The following DOK6 variants were observed in gnomAD, a reference collection of about 807,000 sequenced individuals.
The protein encoded by DOK6 is docking protein 6, also known as downstream of tyrosine kinase 6.
A neutral mutation model predicts 44.0 loss-of-function variants in DOK6; 22 were observed. The observed-to-expected ratio is 0.50, with a 90% CI of 0.36 to 0.71. The LOEUF (loss-of-function observed/expected upper bound fraction) is 0.71, where lower values mean the gene tolerates loss of function less well. DOK6 is among the 30% of genes least tolerant of loss of function. DOK6 has a pLI of 0.00. For missense variants in DOK6, 340 were observed against 416.4 expected (o/e 0.82, Z 1.60); for synonymous variants, 166 against 145.5 (o/e 1.14, Z -1.01).
chr18:69,569,252 C>T (rs1186318360), intron 2 of DOK6, among the ~76,000 whole-genome samples: 1 of 152,186 alleles, frequency 6.6e-6, no homozygotes, highest in African/African-American at 2.4e-5. Context: ...TAAATATGTA[C>T]ATAAACTCAG....
intron 1 of DOK6, among the ~76,000 whole-genome samples, chr18:69,412,097 C>T (rs548334265): frequency 6.6e-6 from 1 of 151,990 alleles, no homozygotes; most frequent in Non-Finnish European, 1.5e-5. Flanking sequence ...TCGATGCCTT[C>T]GAATATATAT....
rs527588914 is a variant in DOK6, at chr18:69,401,907, C to G, written c.66+597C>G. ...GTGCAGGCAGGTGTGTGCCCCGCGC[C>G]CGCCCGCGGTCACTGCTCCGTGACG... On this transcript the variant is annotated intron_variant, in intron 1 of 7. Transcript: ENST00000382713. Among the ~76,000 whole-genome samples, 6 of 152,308 alleles carry G rather than the reference C, an allele frequency of 3.9e-5. No individual in the cohort carries two copies. In the South Asian group the frequency reaches 1.2e-3, roughly 32 times the overall value.
intron 7 of DOK6, among the ~76,000 whole-genome samples, chr18:69,831,593 T>A (rs534834591): frequency 1.2e-4 from 19 of 152,266 alleles, no homozygotes; most frequent in South Asian, 1.2e-3. Flanking sequence ...TACATCACTG[T>A]CTTTATGGAT....
intron 3 of DOK6, among the ~76,000 whole-genome samples, chr18:69,668,148 G>C (rs1047118563): frequency 6.6e-6 from 1 of 151,812 alleles, no homozygotes; most frequent in African/African-American, 2.4e-5. Context: ...AGGCTTTCCT[G>C]AATATATCCT....
At chr18:69,699,167 G>C (rs530369306) in intron 5 of DOK6, among the ~76,000 whole-genome samples, 1 of 151,960 alleles carries the variant, frequency 6.6e-6, no homozygotes, top group Non-Finnish European at 1.5e-5. Context: ...CCAAATCATT[G>C]TCTTTATGCT....
chr18:69,455,181 A>G (rs1229548185), intron 1 of DOK6, among the ~76,000 whole-genome samples: 1 of 125,428 alleles, frequency 8.0e-6, no homozygotes, highest in East Asian at 2.8e-4. Flanking sequence ...AAAAGAAAAG[A>G]AAAAGAAAAA....
intron 3 of DOK6, among the ~76,000 whole-genome samples, chr18:69,604,902 C>A (rs957789376): frequency 6.6e-6 from 1 of 152,010 alleles, no homozygotes; most frequent in African/African-American, 2.4e-5. Flanking sequence ...GGTACAGGTG[C>A]AGTTTTGTTA....
At position 69,613,626 on chromosome 18, in the gene DOK6, TA is replaced by T. The variant is rs1045230231; in HGVS notation, c.289+14136del. ...AATAGATGAAGAAAAATTTCTCTTA[TA>T]AAAAAAATAGATTATTCTTACCTTC... On this transcript the variant is annotated intron_variant, in intron 3 of 7. Transcript: ENST00000382713. Among the ~76,000 whole-genome samples, 304 of 151,864 alleles carry T rather than the reference TA, an allele frequency of 2.0e-3. 1 individual carries two copies. Among genetic ancestry groups the T allele is most frequent in the African/African-American group, 5.1e-3 (210 of 41,436 alleles).
chr18:69,484,771 A>G (rs1280413737), intron 1 of DOK6, among the ~76,000 whole-genome samples: 3 of 152,170 alleles, frequency 2.0e-5, no homozygotes, highest in Non-Finnish European at 4.4e-5. Flanking sequence ...AAGGTGCACC[A>G]CAGCCTTCTC....
At chr18:69,413,326 G>T (rs1651380975) in intron 1 of DOK6, among the ~76,000 whole-genome samples, 1 of 152,102 alleles carries the variant, frequency 6.6e-6, no homozygotes, top group South Asian at 2.1e-4. Context: ...TTTCTCTTTT[G>T]TTTACTCCTA....
chr18:69,477,343 C>T (rs1025406486), intron 1 of DOK6, among the ~76,000 whole-genome samples: 3 of 152,164 alleles, frequency 2.0e-5, no homozygotes, highest in African/African-American at 7.2e-5. Context: ...TAGGGTGTAC[C>T]TGGGAGCAAG....
At position 69,635,273 on chromosome 18, in the gene DOK6, T is replaced by C. The variant is rs1482472511; in HGVS notation, c.289+35775T>C. Among the ~76,000 whole-genome samples, 3 of 128,002 alleles carry C rather than the reference T, an allele frequency of 2.3e-5. No individual in the cohort carries two copies. In the East Asian group the frequency reaches 6.4e-4, roughly 27 times the overall value. The allele number at this position is 128,002 out of a possible 152,430, so 84.0% of individuals were successfully genotyped here. A position where few individuals can be genotyped will look rare whatever the true frequency, so the allele number is the denominator to read the frequency against. ...AGGTGGAAACCAGAGATTCGATATT[T>C]TTCTCTTTTTTTCTCCTCATATGGA... On this transcript the variant is annotated intron_variant, in intron 3 of 7. Coordinates refer to ENST00000382713, the MANE Select transcript of DOK6 (RefSeq NM_152721.6).
intron 1 of DOK6, among the ~76,000 whole-genome samples, chr18:69,560,101 T>C (rs865949658): frequency 1.3e-5 from 2 of 152,112 alleles, no homozygotes; most frequent in African/African-American, 2.4e-5. Context: ...ACTTTTCAAA[T>C]TCACATGCCA....
chr18:69,471,250 CAAAAAAAAAAAAAAAAA>C (rs71176969), intron 1 of DOK6, among the ~76,000 whole-genome samples: 4 of 27,784 alleles, frequency 1.4e-4, no homozygotes, highest in Admixed American at 1.4e-3. Context: ...AACTCCATCT[CAAAAAAAAAAAAAAAAA>C]AAAAAAAAAA....
intron 1 of DOK6, among the ~76,000 whole-genome samples, chr18:69,504,534 G>C (rs989278124): frequency 6.6e-6 from 1 of 152,078 alleles, no homozygotes; most frequent in Middle Eastern, 3.2e-3. Flanking sequence ...GGAATTATAT[G>C]TACTAGTAAC....
At chr18:69,472,343 G>A (rs1484152658) in intron 1 of DOK6, among the ~76,000 whole-genome samples, 3 of 152,090 alleles carry the variant, frequency 2.0e-5, no homozygotes, top group East Asian at 1.9e-4. Flanking sequence ...CCACTCTCCC[G>A]AGTGTCTTTA....
At chr18:69,647,060 T>TGTCTATCTGTCTATCCC (rs1985096034) in intron 3 of DOK6, among the ~76,000 whole-genome samples, 1 of 137,446 alleles carries the variant, frequency 7.3e-6, no homozygotes, top group Non-Finnish European at 1.6e-5. Context: ...CTGTCTATCC[T>TGTCTATCTGTCTATCCC]ATCTGTCTAT....
chr18:69,743,936 G>T (rs944952720), intron 6 of DOK6, among the ~76,000 whole-genome samples: 1 of 152,016 alleles, frequency 6.6e-6, no homozygotes, highest in African/African-American at 2.4e-5. Context: ...CTGTTGAAAC[G>T]CCAGGAAGAT....
Position 69,677,908 on chromosome 18 carries a change from T to C in DOK6, c.409+55T>C, listed in dbSNP as rs1044253109. On this transcript the variant is annotated intron_variant, in intron 4 of 7. Coordinates refer to ENST00000382713, the MANE Select transcript of DOK6 (RefSeq NM_152721.6). ...AGAATACCCTTGTAATTGTAGAACT[T>C]TGAAACTGGAAAGGATCTCAGAAAT... 3.8e-6 allele frequency: 6 copies of C among 1,571,686 alleles called. No homozygotes were observed. The African/African-American group carries it at 8.1e-5, about 21-fold the overall frequency.
Sources: gnomAD v4.1 joint callset for allele counts (sites outside exome capture counted in the v4.1 genomes callset) on GRCh38, gnomAD v4.1.1 for gene constraint, MANE v1.5 for transcripts, NCBI Gene and HGNC (gene_info 2026-07-23, HGNC 2026-07-21) for gene names.